Variants in CEBPZOS observed in about 807,000 individuals in gnomAD.
The protein encoded by CEBPZOS is protein CEBPZOS.
CEBPZOS carries 10 observed loss-of-function variants against 4.8 expected under a neutral mutation model. That is an observed-to-expected ratio of 2.07 (90% confidence interval 1.28 to 3.52). The LOEUF (loss-of-function observed/expected upper bound fraction) is 3.52. Among genes scored for constraint, CEBPZOS ranks in the 30% most tolerant of loss-of-function variants. The pLI, the probability that CEBPZOS is intolerant of heterozygous loss-of-function variation, is 0.00. For synonymous variants in CEBPZOS, 25 were observed against 14.2 expected, an observed-to-expected ratio of 1.77 and a Z score of -1.72; for missense variants, 98 against 43.6, an observed-to-expected ratio of 2.25 and a Z score of -3.51.
At chr2:37,214,582 T>G (rs1677824090), downstream of CEBPZOS, among the ~76,000 whole-genome samples, 1 of 152,164 alleles carries the variant, frequency 6.6e-6, no homozygotes, top group African/African-American at 2.4e-5. Context: ...ATATGCTAAA[T>G]TAACAAAACT....
downstream of CEBPZOS, among the ~76,000 whole-genome samples, chr2:37,205,465 C>T (rs1274558477): frequency 2.6e-5 from 4 of 152,156 alleles, no homozygotes; most frequent in East Asian, 7.7e-4. Context: ...GAACAACCCC[C>T]TTTGACTGCA....
At position 37,203,084 on chromosome 2, in the gene CEBPZOS, T is replaced by C; in HGVS notation, c.*1224T>C. 9.9e-7 allele frequency: 1 copy of C among 1,005,246 alleles called. No homozygotes were observed. The highest frequency in any genetic ancestry group is 1.4e-6 in the Non-Finnish European group (1 of 695,150). The allele number at this position is 1,005,246 out of a possible 1,614,324, so 62.3% of individuals were successfully genotyped here. A position where few individuals can be genotyped will look rare whatever the true frequency, so the allele number is the denominator to read the frequency against. On this transcript the variant is annotated 3_prime_UTR_variant, in exon 5 of 5. Transcript: ENST00000402297. Reference sequence around the variant, plus strand: ...AGAAAAATGCAATGCAACATGATTTTATTTTAAAAATTATACTTGGGTAAA... The same window carrying C: ...AGAAAAATGCAATGCAACATGATTTCATTTTAAAAATTATACTTGGGTAAA...
intron 1 of CEBPZOS, among the ~76,000 whole-genome samples, chr2:37,197,059 G>A (rs1052605793): frequency 3.3e-5 from 5 of 152,214 alleles, no homozygotes; most frequent in Non-Finnish European, 7.4e-5. Context: ...GTGTCCCCGA[G>A]TCAGCGTCTC....
At chr2:37,213,925 T>C, downstream of CEBPZOS, 2 of 1,591,054 alleles carry the variant, frequency 1.3e-6, no homozygotes, top group East Asian at 2.3e-5. Flanking sequence ...CTGCATCCCG[T>C]TTTTGTTTCT....
downstream of CEBPZOS, chr2:37,215,306 A>T (rs529355068): frequency 1.0e-4 from 17 of 163,062 alleles, no homozygotes; most frequent in East Asian, 2.9e-3. Flanking sequence ...ATCACTTTAA[A>T]CTTGTCATTT....
downstream of CEBPZOS, among the ~76,000 whole-genome samples, chr2:37,208,455 TG>T (rs1464623009): frequency 6.6e-6 from 1 of 152,136 alleles, no homozygotes. Context: ...CATGATCAAG[TG>T]GGTTTCTTGC....
intron 3 of CEBPZOS, chr2:37,201,400 C>A (rs1677222957): frequency 4.0e-6 from 2 of 500,066 alleles, no homozygotes; most frequent in African/African-American, 2.0e-5. Context: ...CTTCTTGGAG[C>A]TGTCTCTTTC....
downstream of CEBPZOS, chr2:37,216,127 G>C (rs750323270): frequency 3.1e-6 from 5 of 1,592,316 alleles, no homozygotes; most frequent in Non-Finnish European, 4.3e-6. Context: ...AACTGTCTAA[G>C]GTTTATACTT....
Position 37,201,682 on chromosome 2 carries a change from CA to C in CEBPZOS, c.202del (p.Arg68GlufsTer3), listed in dbSNP as rs1558462102. On this transcript the variant is annotated frameshift_variant, in exon 4 of 5. Coordinates refer to ENST00000402297, the MANE Select transcript of CEBPZOS (RefSeq NM_001322374.2). LOFTEE classifies it high-confidence loss of function. ...CTGAGAAGTCTGGAATGTATGGAAT[CA>C]GAGAGCTAGATCAAAAAACATGGTT... is the stretch of plus-strand genomic sequence containing the variant. Reference protein sequence around the residue: ...STEKSGMYGIRELDQKTWLNS... With the variant: ...STEKSGMYGIXELDQKTWLNS... 1 of 851,026 alleles carries C rather than the reference CA, an allele frequency of 1.2e-6. No homozygotes were observed. The highest frequency in any genetic ancestry group is 2.0e-6 in the Non-Finnish European group (1 of 507,198). 52.7% of individuals were successfully genotyped at this position (851,026 alleles called of 1,614,324 possible). A position where few individuals can be genotyped will look rare whatever the true frequency, so the allele number is the denominator to read the frequency against.
downstream of CEBPZOS, chr2:37,215,495 T>C (rs1572501967): frequency 2.0e-5 from 3 of 152,520 alleles, no homozygotes; most frequent in Non-Finnish European, 4.4e-5. Context: ...GATTTGGCTT[T>C]TAATTCTAAC....
In CEBPZOS at chr2:37,204,158, T is replaced by C. The variant is rs1677428844; in HGVS notation, c.*2298T>C. On this transcript the variant is annotated 3_prime_UTR_variant, in exon 5 of 5. Transcript: ENST00000402297. Reference sequence around the variant, plus strand: ...GTTTTATTCATCCTGTAGTGATGTATCTGTGACCTCAACGAGTAGGCACTT... The same window carrying C: ...GTTTTATTCATCCTGTAGTGATGTACCTGTGACCTCAACGAGTAGGCACTT... The C allele has an allele frequency of 6.6e-6, 1 of 152,226 alleles. No individual in the cohort carries two copies. Among genetic ancestry groups the C allele is most frequent in the African/African-American group, 2.4e-5 (1 of 41,450 alleles). 9.4% of individuals were successfully genotyped at this position (152,226 alleles called of 1,614,324 possible).
At chr2:37,214,814 G>A (rs1018622018), downstream of CEBPZOS, 2 of 922,860 alleles carry the variant, frequency 2.2e-6, no homozygotes, top group African/African-American at 1.7e-5. Flanking sequence ...TTCATAAAAT[G>A]AAGCATTTTA....
intron 4 of CEBPZOS, chr2:37,210,924 G>T: frequency 9.9e-7 from 1 of 1,006,660 alleles, no homozygotes; most frequent in Non-Finnish European, 1.5e-6. Flanking sequence ...ATTTAGGAGA[G>T]TTCATTTCCC....
chr2:37,216,189 C>T (rs1677862496), downstream of CEBPZOS: 3 of 1,613,214 alleles, frequency 1.9e-6, no homozygotes, highest in South Asian at 3.3e-5. Flanking sequence ...TCGGCTGCAT[C>T]ACAACACTAT....
intron 4 of CEBPZOS, among the ~76,000 whole-genome samples, chr2:37,213,269 T>G (rs1157702575): frequency 2.0e-5 from 3 of 152,174 alleles, no homozygotes; most frequent in Non-Finnish European, 2.9e-5. Flanking sequence ...AAAGGATTTC[T>G]TTTTCACATG....
In CEBPZOS at chr2:37,202,986, G is replaced by GTTTCTTTTCTTTTTTCTTGGCCC. The variant is rs1677351101; in HGVS notation, c.*1128_*1150dup. ...ATACAAATAGGCTGGAATCATTTAA[G>GTTTCTTTTCTTTTTTCTTGGCCC]TTTCTTTTCTTTTTTCTTGGCCCTA... is the stretch of plus-strand genomic sequence containing the variant. On this transcript the variant is annotated 3_prime_UTR_variant, in exon 5 of 5. Coordinates refer to ENST00000402297, the MANE Select transcript of CEBPZOS (RefSeq NM_001322374.2). The GTTTCTTTTCTTTTTTCTTGGCCC allele has an allele frequency of 1.3e-6, 2 of 1,551,166 alleles. No homozygotes were observed. The highest frequency in any genetic ancestry group is 1.7e-6 in the Non-Finnish European group (2 of 1,152,514).
At chr2:37,206,911 C>T (rs923590370), downstream of CEBPZOS, among the ~76,000 whole-genome samples, 3 of 152,190 alleles carry the variant, frequency 2.0e-5, no homozygotes, top group African/African-American at 7.2e-5. Context: ...AGGAGACTCA[C>T]GTAACACATA....
downstream of CEBPZOS, chr2:37,215,010 A>C (rs1677834192): frequency 9.1e-7 from 1 of 1,101,708 alleles, no homozygotes; most frequent in African/African-American, 1.5e-5. Context: ...TATGTTACTC[A>C]AGCTCTTAAG....
chr2:37,200,961 A>T, intron 2 of CEBPZOS, 87 bp from the exon 3 acceptor site: 1 of 684,754 alleles, frequency 1.5e-6, no homozygotes, highest in Non-Finnish European at 2.7e-6. Context: ...CATCATATGG[A>T]CCCTAAAGCT....
Sources: gnomAD v4.1 joint callset for allele counts (sites outside exome capture counted in the v4.1 genomes callset) on GRCh38, gnomAD v4.1.1 for gene constraint, MANE v1.5 for transcripts, NCBI Gene and HGNC (gene_info 2026-07-23, HGNC 2026-07-21) for gene names.